The following GRIK1 variants were observed in gnomAD, a reference collection of about 807,000 sequenced individuals.
GRIK1 encodes glutamate ionotropic receptor kainate type subunit 1.
A neutral mutation model predicts 105.7 loss-of-function variants in GRIK1; 69 were observed. That is an observed-to-expected ratio of 0.65 (90% CI 0.54 to 0.80). The LOEUF (loss-of-function observed/expected upper bound fraction) is 0.80, where lower values mean the gene tolerates loss of function less well. GRIK1 is among the 30% of genes least tolerant of loss of function. GRIK1 has a pLI of 0.00. For missense variants in GRIK1, 1,109 were observed against 1,167.3 expected (o/e 0.95, Z 0.73); for synonymous variants, 438 against 431.3 (o/e 1.02, Z -0.19).
intron 1 of GRIK1, among the ~76,000 whole-genome samples, chr21:29,818,974 C>G (rs1469980862): frequency 6.6e-6 from 1 of 152,000 alleles, no homozygotes; most frequent in Non-Finnish European, 1.5e-5. Context: ...TGGTTATTAT[C>G]CCTCTCCTTA....
intron 1 of GRIK1, among the ~76,000 whole-genome samples, chr21:29,869,916 A>G (rs965326702): frequency 3.3e-5 from 5 of 152,208 alleles, no homozygotes; most frequent in African/African-American, 1.2e-4. Context: ...TTTATGTAAT[A>G]TAGTGTAAAC....
At chr21:29,648,741 A>G (rs28482013) in intron 6 of GRIK1, among the ~76,000 whole-genome samples, 38,578 of 151,906 alleles carry the variant, frequency 0.25, 5,521 homozygotes, top group African/African-American at 0.38. Flanking sequence ...ACAGGTAAGA[A>G]GAAAGAGAGA....
rs148633733 is a variant in GRIK1, at chr21:29,802,925, A to G, written c.119-108862T>C. Among the ~76,000 whole-genome samples, 394 of 152,310 alleles carry G rather than the reference A, an allele frequency of 2.6e-3. 3 individuals carry two copies. The highest frequency in any genetic ancestry group is 0.014 in the Admixed American group (212 of 15,286). On this transcript the variant is annotated intron_variant, in intron 1 of 17. Coordinates refer to ENST00000327783, the MANE Select transcript of GRIK1 (RefSeq NM_001330994.2). ...GGAGGCACTATATAACGCTGGATGC[A>G]TGGCTGAAATGTGCTGACAGTCATA...
rs776821962 is a variant in GRIK1, at chr21:29,581,492, G to A, written c.1845C>T (p.Asp615=). The change falls in exon 13 of 18, where the codon GAC becomes GAT. Residue 615 remains aspartate, a synonymous_variant. Coordinates refer to ENST00000327783, the MANE Select transcript of GRIK1 (RefSeq NM_001330994.2). ...GTAAAGTAAAATTGTTTTCCACCAC[G>A]TCTGAGTCAGGGTTGCATGGGTGGG... The part of the protein sequence containing the change: ...YNPHPCNPDS[D]VVENNFTLLN... The A allele has an allele frequency of 2.3e-5, 37 of 1,612,998 alleles. No homozygotes were observed. The highest frequency in any genetic ancestry group is 1.7e-4 in the Middle Eastern group (1 of 6,054).
rs562770147 is a variant in GRIK1, at chr21:29,614,594, G to A, written c.1099-15657C>T. On this transcript the variant is annotated intron_variant, in intron 7 of 17. Coordinates refer to ENST00000327783, the MANE Select transcript of GRIK1 (RefSeq NM_001330994.2). The stretch of plus-strand genomic sequence containing the variant: ...ACATCCAGCTAATTTTGTATTTTTA[G>A]TAGAGATGGGGTTTCTCCATGTTGG... Among the ~76,000 whole-genome samples, 6 of 150,890 alleles carry A rather than the reference G, an allele frequency of 4.0e-5. No homozygotes were observed. The East Asian group carries it at 1.2e-3, about 29-fold the overall frequency.
rs363477 is a variant in GRIK1, at chr21:29,587,655, G to C, written c.1570-66C>G. 1,874 of 819,616 alleles carry C rather than the reference G, an allele frequency of 2.3e-3. 31 individuals are homozygous for C. In the African/African-American group the frequency reaches 0.029, roughly 13 times the overall value. 50.8% of individuals were successfully genotyped at this position (819,616 alleles called of 1,614,324 possible). ...CTTTGCAAATGTCTAGACTTTTCCT[G>C]GGTACTCCTGATTCTTATTCTCAAC... On this transcript the variant is annotated intron_variant, in intron 11 of 17. Coordinates refer to ENST00000327783, the MANE Select transcript of GRIK1 (RefSeq NM_001330994.2).
Position 29,798,161 on chromosome 21 carries a change from A to G in GRIK1, c.119-104098T>C, listed in dbSNP as rs544295789. Among the ~76,000 whole-genome samples, 5 of 152,326 alleles carry G rather than the reference A, an allele frequency of 3.3e-5. No homozygotes were observed. In the South Asian group the frequency reaches 1.0e-3, roughly 32 times the overall value. On this transcript the variant is annotated intron_variant, in intron 1 of 17. Transcript: ENST00000327783. ...TTCTATCTACTGTCTTTTATAATAT[A>G]CTTGGCTGTCTGTCTTGCATTGATC...
intron 1 of GRIK1, among the ~76,000 whole-genome samples, chr21:29,934,342 C>G (rs896469496): frequency 2.6e-5 from 4 of 152,144 alleles, no homozygotes; most frequent in African/African-American, 9.7e-5. Context: ...TATTCGATTT[C>G]CACTTAGTAC....
rs374415400 is a variant in GRIK1 at position 29,824,808 on chromosome 21, C to T, written c.118+114575G>A. On this transcript the variant is annotated intron_variant, in intron 1 of 17. Transcript: ENST00000327783. ...AATACTATGGAGGGTCATAAGAAGA[C>T]AAAGAACAGCCGGTCGACTTTAACA... Among the ~76,000 whole-genome samples the T allele has an allele frequency of 1.2e-3, 175 of 152,040 alleles. 1 individual carries two copies. Among genetic ancestry groups the T allele is most frequent in the African/African-American group, 4.0e-3 (167 of 41,514 alleles).
intron 1 of GRIK1, among the ~76,000 whole-genome samples, chr21:29,851,151 T>A (rs1423581322): frequency 6.6e-6 from 1 of 151,870 alleles, no homozygotes; most frequent in African/African-American, 2.4e-5. Context: ...GCCTCCCAGG[T>A]CCAATCAATT....
chr21:29,886,258 T>G (rs2069624331), intron 1 of GRIK1, among the ~76,000 whole-genome samples: 1 of 152,178 alleles, frequency 6.6e-6, no homozygotes, highest in Admixed American at 6.6e-5. Context: ...CATTTTGCTT[T>G]CATCCAGAGA....
In GRIK1 at chr21:29,878,488, G is replaced by A. The variant is rs2069275455; in HGVS notation, c.118+60895C>T. ...TGAAAGGAGCAGTCAAAGTAAAATG[G>A]AAGAAATCAAAGGAGAAGATGGAAT... On this transcript the variant is annotated intron_variant, in intron 1 of 17. Transcript: ENST00000327783. Among the ~76,000 whole-genome samples, 5 of 152,108 alleles carry A rather than the reference G, an allele frequency of 3.3e-5. No individual in the cohort carries two copies. The South Asian group carries it at 1.0e-3, about 32-fold the overall frequency.
chr21:29,599,398 G>A (rs1364117250), intron 7 of GRIK1, among the ~76,000 whole-genome samples: 3 of 152,144 alleles, frequency 2.0e-5, no homozygotes, highest in Admixed American at 1.3e-4. Flanking sequence ...GACTTAGCGT[G>A]TTTGCACCAT....
chr21:29,693,794 A>C, intron 2 of GRIK1, 102 bp downstream of exon 2: 1 of 826,716 alleles, frequency 1.2e-6, no homozygotes, highest in Non-Finnish European at 2.0e-6. Context: ...ACCCATTTGC[A>C]CAAAGATGCC....
chr21:29,902,225 G>A (rs1238335735), intron 1 of GRIK1, among the ~76,000 whole-genome samples: 1 of 152,124 alleles, frequency 6.6e-6, no homozygotes, highest in Non-Finnish European at 1.5e-5. Flanking sequence ...CATTTCCTTT[G>A]AAAACCGGCA....
chr21:29,540,813 C>T (rs1461996047), intron 16 of GRIK1, among the ~76,000 whole-genome samples: 1 of 152,116 alleles, frequency 6.6e-6, no homozygotes, highest in East Asian at 1.9e-4. Context: ...ATTCAGCTAG[C>T]TGCCTTACTC....
chr21:29,815,831 T>C (rs150256520), intron 1 of GRIK1, among the ~76,000 whole-genome samples: 1 of 151,938 alleles, frequency 6.6e-6, no homozygotes, highest in African/African-American at 2.4e-5. Flanking sequence ...ATATAAGACA[T>C]GAAACTATAA....
chr21:29,551,623 T>C lies in GRIK1; in HGVS notation c.2607+3429A>G, dbSNP rs2090137423. ...GAATTAGGTAGTATACAGTCTAAAG[T>C]AGTATAGAAATATTAACTTTTGAAA... is the stretch of plus-strand genomic sequence containing the variant. On this transcript the variant is annotated intron_variant, in intron 16 of 17. Transcript: ENST00000327783. 2.0e-5 allele frequency among the ~76,000 whole-genome samples: 3 copies of C among 151,732 alleles called. No individual in the cohort carries two copies. The East Asian group carries it at 5.8e-4, about 29-fold the overall frequency.
rs975762689 is a variant in GRIK1, at chr21:29,673,000, C to T, written c.709G>A (p.Ala237Thr). 1.2e-5 allele frequency: 20 copies of T among 1,611,664 alleles called. No individual in the cohort carries two copies. The Admixed American group carries it at 1.5e-4, about 12-fold the overall frequency. Residue 237 changes from alanine to threonine, a missense_variant, in exon 4 of 18, where the codon GCT (alanine) becomes ACT (threonine). Ala to Thr is a moderately conservative substitution (Grantham distance 58). This residue lies in a region of GRIK1 where 612 missense variants were observed against 586.0 expected (regional missense o/e 1.04). Transcript: ENST00000327783. The part of the protein sequence containing the change: ...VIFDCSHETA[A>T]EILKQILFMG... The stretch of plus-strand genomic sequence containing the variant: ...CCTCTTACCTGCTTAAGGATTTCAG[C>T]GGCTGTTTCATGTGAACAATCAAAT...
Sources: allele counts gnomAD v4.1 joint callset (sites outside exome capture counted in the v4.1 genomes callset), GRCh38; gene constraint gnomAD v4.1.1; regional missense constraint gnomAD v4.1.1; transcripts MANE v1.5; gene names NCBI Gene and HGNC (gene_info 2026-07-23, HGNC 2026-07-21).